The following FECH variants were observed in gnomAD, a reference collection of about 807,000 sequenced individuals.
FECH encodes the protein ferrochelatase, also known as ferrochelatase, mitochondrial.
FECH carries 40 observed loss-of-function variants against 56.9 expected under a neutral mutation model. The ratio of observed to expected loss-of-function variants is 0.70; its 90% CI spans 0.55 to 0.92. The LOEUF is 0.92. Among genes scored for constraint, FECH ranks in the 40% least tolerant of loss-of-function variants. The pLI is 0.00. For synonymous variants in FECH, 175 were observed against 198.6 expected (o/e 0.88, Z 1.00); for missense variants, 431 against 529.1 (o/e 0.81, Z 1.82).
Position 57,559,217 on chromosome 18 carries a change from T to C in FECH, c.732A>G (p.Glu244=). ...IQCFADHILK[E]LDHFPLEKRS... ...TCTTCTCAAGTGGAAAATGGTCCAG[T>C]TCCTTTAGAATATGATCTGCAAAGC... Residue 244 remains glutamate, a synonymous_variant, in exon 7 of 11, where the codon GAA becomes GAG. Transcript: ENST00000262093. 1 of 1,613,452 alleles carries C rather than the reference T, an allele frequency of 6.2e-7. No individual in the cohort carries two copies.
rs1348008181 is a variant in FECH, at chr18:57,546,351, A to G, written c.*4361T>C. The stretch of plus-strand genomic sequence containing the variant: ...GGCAAGGTGGTCCTTTGCCGCATCG[A>G]CAGGAGCTCATACGGCAGAGCCCCT... On this transcript the variant is annotated 3_prime_UTR_variant, in exon 11 of 11. Transcript: ENST00000262093. Among the ~76,000 whole-genome samples the G allele has an allele frequency of 6.6e-6, 1 of 152,160 alleles. No individual in the cohort carries two copies. The highest frequency in any genetic ancestry group is 1.5e-5 in the Non-Finnish European group (1 of 68,020).
chr18:57,575,254 A>G (rs373532316), intron 2 of FECH, among the ~76,000 whole-genome samples: 50 of 152,316 alleles, frequency 3.3e-4, no homozygotes, highest in African/African-American at 1.2e-3. Context: ...AAAGCAGCTG[A>G]AAAATAACCA....
At chr18:57,579,617 T>C (rs774654189) in intron 2 of FECH, among the ~76,000 whole-genome samples, 1 of 152,166 alleles carries the variant, frequency 6.6e-6, no homozygotes, top group Non-Finnish European at 1.5e-5. Flanking sequence ...CTTTAATAGA[T>C]GATAAATCCT....
At chr18:57,563,296 T>C (rs1394499276) in intron 5 of FECH, among the ~76,000 whole-genome samples, 1 of 152,160 alleles carries the variant, frequency 6.6e-6, no homozygotes, top group East Asian at 1.9e-4. Flanking sequence ...ATTCAAAGTA[T>C]GTCGGCCAGG....
chr18:57,550,062 T>C lies in FECH; in HGVS notation c.*650A>G, dbSNP rs1251286333. 1 of 152,934 alleles carries C rather than the reference T, an allele frequency of 6.5e-6. No homozygotes were observed. The highest frequency in any genetic ancestry group is 1.9e-4 in the East Asian group (1 of 5,200). 9.5% of individuals were successfully genotyped at this position (152,934 alleles called of 1,614,324 possible). A position where few individuals can be genotyped will look rare whatever the true frequency, so the allele number is the denominator to read the frequency against. The stretch of plus-strand genomic sequence containing the variant: ...TACACGTTTATTACCCTTGGGTGTA[T>C]GGGGAATCTAAGAGCACCTCTGAAA... On this transcript the variant is annotated 3_prime_UTR_variant, in exon 11 of 11. Transcript: ENST00000262093.
intron 2 of FECH, among the ~76,000 whole-genome samples, chr18:57,576,631 G>A (rs1002737595): frequency 1.3e-5 from 2 of 152,188 alleles, no homozygotes; most frequent in Admixed American, 1.3e-4. Flanking sequence ...TAACACCTGA[G>A]CTCAGAACAA....
At chr18:57,566,637 A>G in intron 4 of FECH, 56 bp from the exon 5 acceptor site, 1 of 1,602,446 alleles carries the variant, frequency 6.2e-7, no homozygotes, top group Admixed American at 1.7e-5. Context: ...TAGATTCCTC[A>G]GAGTCAACAA....
At chr18:57,581,323 G>A (rs2051274214) in intron 1 of FECH, among the ~76,000 whole-genome samples, 1 of 152,206 alleles carries the variant, frequency 6.6e-6, no homozygotes. Context: ...CACCTGAATT[G>A]AGGAGATCAT....
At chr18:57,571,973 T>C (rs1185206760) in intron 3 of FECH, among the ~76,000 whole-genome samples, 1 of 152,234 alleles carries the variant, frequency 6.6e-6, no homozygotes, top group African/African-American at 2.4e-5. Context: ...CAAAGATGTA[T>C]GCACAAGAAT....
rs1598975372 is a variant in FECH, at chr18:57,550,412, T to A, written c.*300A>T. On this transcript the variant is annotated 3_prime_UTR_variant, in exon 11 of 11. Coordinates refer to ENST00000262093, the MANE Select transcript of FECH (RefSeq NM_000140.5). ...GGGCAATAAAGCCAAAATCTGTACT[T>A]AAATAGGTGTGTCTCATAAGACAAA... 1 of 356,388 alleles carries A rather than the reference T, an allele frequency of 2.8e-6. No homozygotes were observed. The highest frequency in any genetic ancestry group is 2.1e-5 in the African/African-American group (1 of 47,902). The allele number at this position is 356,388 out of a possible 1,614,324, so 22.1% of individuals were successfully genotyped here.
intron 7 of FECH, among the ~76,000 whole-genome samples, chr18:57,555,839 T>C (rs2050860663): frequency 6.6e-6 from 1 of 152,206 alleles, no homozygotes; most frequent in African/African-American, 2.4e-5. Context: ...AAATGAAATA[T>C]ACTGATAGAT....
At chr18:57,573,847 T>G (rs571600697) in intron 2 of FECH, among the ~76,000 whole-genome samples, 1 of 152,216 alleles carries the variant, frequency 6.6e-6, no homozygotes, top group Admixed American at 6.5e-5. Context: ...TTCAGTCACT[T>G]AGCACGTGCT....
chr18:57,563,765 G>C (rs1430781000), intron 5 of FECH, among the ~76,000 whole-genome samples: 1 of 151,852 alleles, frequency 6.6e-6, no homozygotes, highest in Non-Finnish European at 1.5e-5. Flanking sequence ...TAGATGTTTT[G>C]TTTTACAAAG....
intron 5 of FECH, among the ~76,000 whole-genome samples, chr18:57,564,912 C>T (rs2050996858): frequency 6.6e-6 from 1 of 152,220 alleles, no homozygotes; most frequent in Non-Finnish European, 1.5e-5. Flanking sequence ...CACACACTGG[C>T]TCTGCCACAA....
At chr18:57,560,634 G>C (rs2050932326) in intron 6 of FECH, among the ~76,000 whole-genome samples, 1 of 152,224 alleles carries the variant, frequency 6.6e-6, no homozygotes, top group African/African-American at 2.4e-5. Context: ...CTGGGCAACA[G>C]AGTGAAACCC....
intron 7 of FECH, among the ~76,000 whole-genome samples, chr18:57,557,875 T>C (rs1423137069): frequency 6.6e-6 from 1 of 152,174 alleles, no homozygotes; most frequent in Non-Finnish European, 1.5e-5. Flanking sequence ...AGGTCTCACC[T>C]TACATAGGAT....
chr18:57,558,253 G>A (rs931004872), intron 7 of FECH, among the ~76,000 whole-genome samples: 12 of 152,216 alleles, frequency 7.9e-5, no homozygotes, highest in South Asian at 2.1e-4. Context: ...TATTCCAAGC[G>A]CTTCTATATA....
intron 2 of FECH, among the ~76,000 whole-genome samples, chr18:57,577,224 A>C (rs2051196866): frequency 6.6e-6 from 1 of 152,210 alleles, no homozygotes. Flanking sequence ...TAGCCCATGC[A>C]CTAAATCTGT....
At chr18:57,571,643 C>A in intron 3 of FECH, 103 bp from the exon 4 acceptor site, 2 of 1,553,900 alleles carry the variant, frequency 1.3e-6, no homozygotes, top group Admixed American at 1.7e-5. Context: ...TTTTAGAGAG[C>A]CTAACAAGAT....
Sources: allele counts gnomAD v4.1 joint callset (sites outside exome capture counted in the v4.1 genomes callset), GRCh38; gene constraint gnomAD v4.1.1; transcripts MANE v1.5; gene names NCBI Gene and HGNC (gene_info 2026-07-23, HGNC 2026-07-21).